MPP7: variants seen among roughly 807,000 people sequenced by gnomAD.
MPP7 encodes the protein MAGUK p55 scaffold protein 7.
A neutral mutation model predicts 76.5 loss-of-function variants in MPP7; 60 were observed. The ratio of observed to expected loss-of-function variants is 0.78; its 90% CI spans 0.64 to 0.97. The LOEUF (loss-of-function observed/expected upper bound fraction) is 0.97, where lower values mean the gene tolerates loss of function less well. Among genes scored for constraint, MPP7 ranks in the 50% least tolerant of loss-of-function variants. The pLI, the probability that MPP7 is intolerant of heterozygous loss-of-function variation, is 0.00. For synonymous variants in MPP7, 237 were observed against 244.5 expected, an observed-to-expected ratio of 0.97 and a Z score of 0.29; for missense variants, 641 against 694.0, an observed-to-expected ratio of 0.92 and a Z score of 0.86.
chr10:28,153,859 T>C (rs10508731), intron 3 of MPP7, among the ~76,000 whole-genome samples: 44,774 of 152,024 alleles, frequency 0.29, 8,518 homozygotes, highest in East Asian at 0.81. Flanking sequence ...GCTTCTATTA[T>C]GAGTACAAAA....
intron 12 of MPP7, among the ~76,000 whole-genome samples, chr10:28,088,351 G>A (rs11006849): frequency 0.1 from 15,431 of 152,124 alleles, 1,081 homozygotes; most frequent in East Asian, 0.26. Flanking sequence ...GTGGGAGGTA[G>A]CTAGATCACA....
chr10:28,174,489 T>C (rs1405112610), intron 3 of MPP7, among the ~76,000 whole-genome samples: 1 of 152,172 alleles, frequency 6.6e-6, no homozygotes. Flanking sequence ...TGCCTTCCAC[T>C]GAAAGTGGAA....
At chr10:28,149,388 C>T (rs537663668) in intron 4 of MPP7, among the ~76,000 whole-genome samples, 1 of 152,258 alleles carries the variant, frequency 6.6e-6, no homozygotes, top group East Asian at 1.9e-4. Context: ...TAGTTACCTT[C>T]CCCCAAGTTC....
intron 9 of MPP7, 96 bp downstream of exon 9, chr10:28,120,498 T>C: frequency 3.4e-6 from 5 of 1,491,146 alleles, no homozygotes; most frequent in South Asian, 2.4e-5. Flanking sequence ...AACTGGAATA[T>C]TGAAAGAAAT....
At chr10:28,066,541 ATTATTT>A (rs1851994426) in intron 13 of MPP7, among the ~76,000 whole-genome samples, 1 of 152,164 alleles carries the variant, frequency 6.6e-6, no homozygotes, top group Non-Finnish European at 1.5e-5. Context: ...CAGTTAAACT[ATTATTT>A]CTTTTTAACA....
chr10:28,318,374 A>G (rs753889024), intron 2 of MPP7, among the ~76,000 whole-genome samples: 1 of 152,178 alleles, frequency 6.6e-6, no homozygotes, highest in Non-Finnish European at 1.5e-5. Flanking sequence ...AACACAGCAC[A>G]GTCAAGCTTC....
At chr10:28,086,411 A>T (rs1012861736) in intron 12 of MPP7, among the ~76,000 whole-genome samples, 3 of 152,210 alleles carry the variant, frequency 2.0e-5, no homozygotes, top group Non-Finnish European at 4.4e-5. Context: ...CCCAAAGGCC[A>T]AAGGGGAAAC....
At chr10:28,166,078 T>C (rs1836446784) in intron 3 of MPP7, among the ~76,000 whole-genome samples, 1 of 151,280 alleles carries the variant, frequency 6.6e-6, no homozygotes, top group African/African-American at 2.4e-5. Flanking sequence ...AAGGTGCTTA[T>C]CTTCCAGGCA....
intron 3 of MPP7, among the ~76,000 whole-genome samples, chr10:28,188,495 T>C (rs1837307066): frequency 6.6e-6 from 1 of 152,130 alleles, no homozygotes; most frequent in Admixed American, 6.6e-5. Flanking sequence ...CAAAGGACTT[T>C]TCCATTTGTA....
At chr10:28,124,248 C>T (rs1256893833) in intron 7 of MPP7, 132 bp from the exon 8 acceptor site, 11 of 659,830 alleles carry the variant, frequency 1.7e-5, no homozygotes, top group Non-Finnish European at 2.7e-5. Flanking sequence ...GACCTTCACA[C>T]ATCTCAGGTT....
Position 28,120,645 on chromosome 10 carries a change from T to C in MPP7, c.639A>G (p.Thr213=), listed in dbSNP as rs183568877. 431 of 1,613,764 alleles carry C rather than the reference T, an allele frequency of 2.7e-4. 4 individuals carry two copies. The highest frequency in any genetic ancestry group is 4.2e-6 in the Non-Finnish European group (5 of 1,179,832). ...CTTTGCTGCCGGGTATAATCTTAAATGTAATTGCTCCCTGAGACTGAGCCT... is the reference window on the plus strand; with the variant it reads ...CTTTGCTGCCGGGTATAATCTTAAACGTAATTGCTCCCTGAGACTGAGCCT... ...QILAQSQGAI[T]FKIIPGSKEE... Residue 213 remains threonine, a synonymous_variant, in exon 9 of 17, where the codon ACA becomes ACG. Coordinates refer to ENST00000683449, the MANE Select transcript of MPP7 (RefSeq NM_001318170.2).
At chr10:28,297,437 G>A (rs1340582329) in intron 1 of MPP7, among the ~76,000 whole-genome samples, 1 of 152,152 alleles carries the variant, frequency 6.6e-6, no homozygotes, top group Non-Finnish European at 1.5e-5. Flanking sequence ...TGTGGCTCAC[G>A]CCTGTAATCC....
At chr10:28,226,259 T>G (rs1215302937) in intron 2 of MPP7, among the ~76,000 whole-genome samples, 1 of 100,826 alleles carries the variant, frequency 9.9e-6, no homozygotes, top group East Asian at 2.6e-4. Context: ...TAAAGTTAAT[T>G]TTTTTTTTTT....
At chr10:28,139,262 A>C (rs1270359319) in intron 5 of MPP7, among the ~76,000 whole-genome samples, 1 of 152,192 alleles carries the variant, frequency 6.6e-6, no homozygotes, top group African/African-American at 2.4e-5. Context: ...ATCATTGCTA[A>C]CAGGCTTCAA....
intron 2 of MPP7, among the ~76,000 whole-genome samples, chr10:28,313,853 A>ATTTTTTTTTTTTTTT (rs1192149562): frequency 3.1e-5 from 1 of 32,676 alleles, no homozygotes; most frequent in Non-Finnish European, 5.3e-5. Flanking sequence ...TACCTGGCTA[A>ATTTTTTTTTTTTTTT]TTTTTTTTTT....
At chr10:28,315,519 C>T (rs1762186) in intron 2 of MPP7, among the ~76,000 whole-genome samples, 40,829 of 151,936 alleles carry the variant, frequency 0.27, 5,881 homozygotes, top group East Asian at 0.43. Flanking sequence ...CCTCCCACTT[C>T]CCTCCTGGCC....
intron 2 of MPP7, 72 bp downstream of exon 2, chr10:28,238,496 C>T: frequency 6.7e-7 from 1 of 1,502,554 alleles, no homozygotes; most frequent in Non-Finnish European, 9.3e-7. Flanking sequence ...TTGCTTAAAG[C>T]ATGCTGTATT....
intron 1 of MPP7, among the ~76,000 whole-genome samples, chr10:28,264,451 T>C (rs1192908996): frequency 6.6e-6 from 1 of 152,004 alleles, no homozygotes; most frequent in Non-Finnish European, 1.5e-5. Context: ...GGGGCGCTGG[T>C]GGACCAGAAA....
chr10:28,069,430 C>T (rs996501683), intron 13 of MPP7, among the ~76,000 whole-genome samples: 1 of 152,002 alleles, frequency 6.6e-6, no homozygotes, highest in African/African-American at 2.4e-5. Context: ...TAGTGAAACC[C>T]TGTCTCTACT....
Sources: gnomAD v4.1 joint callset for allele counts (sites outside exome capture counted in the v4.1 genomes callset) on GRCh38, gnomAD v4.1.1 for gene constraint, MANE v1.5 for transcripts, NCBI Gene and HGNC (gene_info 2026-07-23, HGNC 2026-07-21) for gene names.